The following FMN2 variants were observed in gnomAD, a reference collection of about 807,000 sequenced individuals.
FMN2 encodes the protein formin 2.
Under a neutral mutation model 142.3 loss-of-function variants are expected in FMN2, and 51 were observed. The observed-to-expected ratio is 0.36, with a 90% CI of 0.29 to 0.45. FMN2 has a LOEUF of 0.45. Ranked by LOEUF, FMN2 falls within the 20% of genes least tolerant of loss-of-function variation. The pLI is 1.00. For missense variants in FMN2, 1,936 were observed against 2,122.8 expected (o/e 0.91, Z 1.73); for synonymous variants, 882 against 869.8 (o/e 1.01, Z -0.25).
chr1:240,336,622 T>C (rs1671570962), intron 13 of FMN2, among the ~76,000 whole-genome samples: 1 of 150,798 alleles, frequency 6.6e-6, no homozygotes, highest in Admixed American at 6.6e-5. Flanking sequence ...CAGAGAACTT[T>C]TTTCACAGAA....
intron 4 of FMN2, among the ~76,000 whole-genome samples, chr1:240,195,343 T>C (rs1185858644): frequency 6.6e-6 from 1 of 152,226 alleles, no homozygotes; most frequent in African/African-American, 2.4e-5. Context: ...GTTTTTGTGC[T>C]TTTTCTTGTT....
intron 1 of FMN2, among the ~76,000 whole-genome samples, chr1:240,121,435 G>C (rs1662242376): frequency 6.6e-6 from 1 of 150,600 alleles, no homozygotes; most frequent in Non-Finnish European, 1.5e-5. Context: ...GAGTGCAGTG[G>C]CGCGATCTCG....
intron 1 of FMN2, among the ~76,000 whole-genome samples, chr1:240,112,449 C>G (rs1661849392): frequency 6.6e-6 from 1 of 152,024 alleles, no homozygotes; most frequent in South Asian, 2.1e-4. Flanking sequence ...TTTTCTAGTT[C>G]AGAAAATGAT....
In FMN2 at chr1:240,170,923, G is replaced by A. The variant is rs1419726625; in HGVS notation, c.1783-6998G>A. 7 of 792,466 alleles carry A rather than the reference G, an allele frequency of 8.8e-6. No homozygotes were observed. In the African/African-American group the frequency reaches 1.2e-4, roughly 13 times the overall value. 49.1% of individuals were successfully genotyped at this position (792,466 alleles called of 1,614,324 possible). A position where few individuals can be genotyped will look rare whatever the true frequency, so the allele number is the denominator to read the frequency against. On this transcript the variant is annotated intron_variant, in intron 2 of 17. Transcript: ENST00000319653. ...TCAGGATTTTAGTCAACCCATCCAG[G>A]AAGTGCTCATTGAGCGGACTGATGG...
intron 13 of FMN2, among the ~76,000 whole-genome samples, chr1:240,337,203 CTT>C (rs752506621): frequency 0.034 from 3,107 of 90,140 alleles, 130 homozygotes; most frequent in African/African-American, 0.11. Flanking sequence ...TATTCCTTTT[CTT>C]TTTTTTTTTT....
At chr1:240,180,845 G>A (rs556808677) in intron 3 of FMN2, among the ~76,000 whole-genome samples, 2 of 152,022 alleles carry the variant, frequency 1.3e-5, no homozygotes, top group African/African-American at 2.4e-5. Flanking sequence ...GGGATTACAG[G>A]CATGAGCCAC....
intron 3 of FMN2, chr1:240,180,323 A>G: frequency 2.7e-6 from 1 of 373,232 alleles, no homozygotes; most frequent in Non-Finnish European, 4.7e-6. Flanking sequence ...AAATTTGGAG[A>G]GACACTTCCA....
chr1:240,091,888 CGCAGCCGCAGCG>C lies in FMN2; in HGVS notation c.-221_-210del. The C allele has an allele frequency of 1.4e-6, 1 of 711,262 alleles. No homozygotes were observed. 44.1% of individuals were successfully genotyped at this position (711,262 alleles called of 1,614,324 possible). A position where few individuals can be genotyped will look rare whatever the true frequency, so the allele number is the denominator to read the frequency against. On this transcript the variant is annotated 5_prime_UTR_variant, in exon 1 of 18. Coordinates refer to ENST00000319653, the MANE Select transcript of FMN2 (RefSeq NM_020066.5). ...CGCCCCGCCGGCCCCTAGCCGCAGC[CGCAGCCGCAGCG>C]ACGGCAGCCACGGGAGCCGCCGCGC...
At chr1:240,196,046 A>G (rs1207797424) in intron 4 of FMN2, among the ~76,000 whole-genome samples, 1 of 152,192 alleles carries the variant, frequency 6.6e-6, no homozygotes, top group East Asian at 1.9e-4. Flanking sequence ...ACATTCTCAC[A>G]ATATCCTTTT....
chr1:240,156,580 G>A (rs781024056), intron 2 of FMN2, among the ~76,000 whole-genome samples: 3 of 152,184 alleles, frequency 2.0e-5, no homozygotes, highest in Non-Finnish European at 4.4e-5. Context: ...CTGTGCACTT[G>A]CTTCACAAGA....
chr1:240,380,857 GA>G (rs995724105), intron 14 of FMN2, among the ~76,000 whole-genome samples: 3 of 151,532 alleles, frequency 2.0e-5, no homozygotes, highest in African/African-American at 7.3e-5. Context: ...ATTAACCAAG[GA>G]AAAAAAGATT....
At chr1:240,345,644 G>T (rs970477462) in intron 13 of FMN2, among the ~76,000 whole-genome samples, 1 of 151,872 alleles carries the variant, frequency 6.6e-6, no homozygotes, top group Non-Finnish European at 1.5e-5. Context: ...CACCATGACC[G>T]GCTAATTTTT....
chr1:240,232,122 T>C (rs1280878793), intron 6 of FMN2, among the ~76,000 whole-genome samples: 1 of 152,062 alleles, frequency 6.6e-6, no homozygotes, highest in Non-Finnish European at 1.5e-5. Flanking sequence ...CAGGCTGGAG[T>C]GCAATGATGC....
intron 16 of FMN2, among the ~76,000 whole-genome samples, chr1:240,470,216 A>AC (rs1553268782): frequency 6.6e-6 from 1 of 151,172 alleles, no homozygotes; most frequent in Non-Finnish European, 1.5e-5. Flanking sequence ...TGAAAAAAAA[A>AC]AAAAAAACAG....
At chr1:240,357,982 A>G (rs2103049800) in intron 14 of FMN2, among the ~76,000 whole-genome samples, 1 of 152,272 alleles carries the variant, frequency 6.6e-6, no homozygotes, top group Middle Eastern at 3.4e-3. Context: ...TGTTAAATGA[A>G]AACAATGTTG....
In FMN2 at chr1:240,431,419, T is replaced by C. The variant is rs1432991030; in HGVS notation, c.4911-6642T>C. On this transcript the variant is annotated intron_variant, in intron 15 of 17. Coordinates refer to ENST00000319653, the MANE Select transcript of FMN2 (RefSeq NM_020066.5). ...ACCATGTTTTATATATATATATATA[T>C]ATATACATATATATACACACATATA... is the stretch of plus-strand genomic sequence containing the variant. 9.4e-4 allele frequency among the ~76,000 whole-genome samples: 139 copies of C among 147,892 alleles called. 1 individual carries two copies. Among genetic ancestry groups the C allele is most frequent in the Non-Finnish European group, 2.8e-4 (19 of 67,046 alleles).
At chr1:240,337,203 C>CTT (rs752506621) in intron 13 of FMN2, among the ~76,000 whole-genome samples, 25 of 90,554 alleles carry the variant, frequency 2.8e-4, no homozygotes, top group Non-Finnish European at 3.7e-4. Context: ...TATTCCTTTT[C>CTT]TTTTTTTTTT....
chr1:240,322,209 A>G (rs11283992), intron 8 of FMN2, among the ~76,000 whole-genome samples: 45,348 of 151,136 alleles, frequency 0.3, 6,900 homozygotes, highest in Admixed American at 0.39. Context: ...TTAAAAAAAA[A>G]TCATAAATCA....
At chr1:240,125,738 A>G (rs1181995758) in intron 2 of FMN2, among the ~76,000 whole-genome samples, 1 of 152,194 alleles carries the variant, frequency 6.6e-6, no homozygotes. Flanking sequence ...CTTTTTTAAA[A>G]TCAACTAACC....
Sources: allele counts gnomAD v4.1 joint callset (sites outside exome capture counted in the v4.1 genomes callset), GRCh38; gene constraint gnomAD v4.1.1; transcripts MANE v1.5; gene names NCBI Gene and HGNC (gene_info 2026-07-23, HGNC 2026-07-21).